Variants in NPHP1 observed in about 807,000 individuals in gnomAD.
NPHP1 encodes the protein nephrocystin-1.
In NPHP1, 70 loss-of-function variants were observed where a neutral mutation model predicts 90.4. The observed-to-expected ratio is 0.77, with a 90% confidence interval of 0.64 to 0.95. The LOEUF (loss-of-function observed/expected upper bound fraction) is 0.95. NPHP1 is among the 40% of genes least tolerant of loss of function. The pLI, the probability that NPHP1 is intolerant of heterozygous loss-of-function variation, is 0.00. For missense variants in NPHP1, 764 were observed against 795.9 expected (o/e 0.96, Z 0.48); for synonymous variants, 256 against 271.7 (o/e 0.94, Z 0.57).
At chr2:110,166,524 A>G (rs1358310239) in intron 6 of NPHP1, among the ~76,000 whole-genome samples, 2 of 152,160 alleles carry the variant, frequency 1.3e-5, no homozygotes, top group African/African-American at 4.8e-5. Context: ...TGCCTTTTGA[A>G]TTCTTTCCCC....
intron 19 of NPHP1, 143 bp from the exon 20 acceptor site, chr2:110,124,206 C>T: frequency 1.2e-6 from 1 of 860,982 alleles, no homozygotes; most frequent in Non-Finnish European, 1.9e-6. Flanking sequence ...GCCAGCTGCT[C>T]AGGCAGGACA....
chr2:110,166,290 G>A (rs1209894985), intron 6 of NPHP1, among the ~76,000 whole-genome samples: 3 of 152,174 alleles, frequency 2.0e-5, no homozygotes, highest in Admixed American at 6.5e-5. Context: ...AAAGATGCAC[G>A]CAGGCTTGAT....
At chr2:110,175,139 A>C (rs1683419137) in intron 4 of NPHP1, among the ~76,000 whole-genome samples, 1 of 152,140 alleles carries the variant, frequency 6.6e-6, no homozygotes, top group Admixed American at 6.5e-5. Flanking sequence ...AGCATTTACT[A>C]ATCGAGTATT....
intron 16 of NPHP1, among the ~76,000 whole-genome samples, chr2:110,135,476 CAAAAAA>C (rs66696927): frequency 3.3e-4 from 5 of 15,116 alleles, no homozygotes; most frequent in African/African-American, 7.3e-4. Context: ...GACCCCGTCT[CAAAAAA>C]AAAAAAAAAA....
chr2:110,182,891 A>C (rs1209988931), intron 2 of NPHP1, among the ~76,000 whole-genome samples: 1 of 152,144 alleles, frequency 6.6e-6, no homozygotes, highest in Non-Finnish European at 1.5e-5. Context: ...TGCTGTCTTC[A>C]AGAGATCCAC....
Position 110,205,011 on chromosome 2 carries a change from A to G in NPHP1, c.-43T>C. 6.2e-7 allele frequency: 1 copy of G among 1,607,124 alleles called. No homozygotes were observed. Among genetic ancestry groups the G allele is most frequent in the Non-Finnish European group, 8.5e-7 (1 of 1,175,000 alleles). On this transcript the variant is annotated 5_prime_UTR_variant, in exon 1 of 20. Coordinates refer to ENST00000445609, the MANE Select transcript of NPHP1 (RefSeq NM_001128178.3). ...TCTGATTGCTCCAGTTGCCAGGGAA[A>G]CCAACCGGCGGCGCCAGAAGGTGAC...
chr2:110,180,601 C>A (rs994781443), intron 2 of NPHP1, among the ~76,000 whole-genome samples: 1 of 151,936 alleles, frequency 6.6e-6, no homozygotes, highest in African/African-American at 2.4e-5. Flanking sequence ...CAAGTGAATT[C>A]AGCACTTTAA....
intron 13 of NPHP1, among the ~76,000 whole-genome samples, 164 bp from the exon 14 acceptor site, chr2:110,146,999 G>A (rs971675956): frequency 9.2e-5 from 14 of 152,076 alleles, no homozygotes; most frequent in African/African-American, 2.7e-4. Flanking sequence ...TTTTGCCTGC[G>A]GGTCAGATAT....
chr2:110,133,825 G>A (rs1679967751), intron 16 of NPHP1, among the ~76,000 whole-genome samples: 1 of 151,840 alleles, frequency 6.6e-6, no homozygotes, highest in Non-Finnish European at 1.5e-5. Context: ...AAAATATCTT[G>A]AGAAATGAAA....
chr2:110,173,600 T>C (rs532357251), intron 4 of NPHP1, among the ~76,000 whole-genome samples: 7 of 152,296 alleles, frequency 4.6e-5, no homozygotes, highest in African/African-American at 1.7e-4. Context: ...TGTGTTACAA[T>C]TGTGTACAGT....
At chr2:110,171,466 T>C (rs541737211) in intron 4 of NPHP1, among the ~76,000 whole-genome samples, 7 of 152,254 alleles carry the variant, frequency 4.6e-5, no homozygotes, top group African/African-American at 1.7e-4. Context: ...GAATATTAGC[T>C]GAACTTTGTT....
chr2:110,136,647 C>T (rs1374495881), intron 16 of NPHP1, among the ~76,000 whole-genome samples: 1 of 152,082 alleles, frequency 6.6e-6, no homozygotes, highest in African/African-American at 2.4e-5. Flanking sequence ...AGGAGAAATA[C>T]AAACCACTGC....
At chr2:110,159,878 G>T (rs559660308) in intron 11 of NPHP1, among the ~76,000 whole-genome samples, 89 of 151,708 alleles carry the variant, frequency 5.9e-4, no homozygotes, top group African/African-American at 2.1e-3. Context: ...TGCTAGCTTA[G>T]ATCACTGACT....
chr2:110,168,566 C>T lies in NPHP1; in HGVS notation c.523-13G>A, dbSNP rs773241836. On this transcript the variant is annotated splice_polypyrimidine_tract_variant and intron_variant, in intron 5 of 19. Transcript: ENST00000445609. ...GAATTTCCCCTTTCTTAAAGCAAAA[C>T]AAAGTAAACCATTTTAAATAAAATT... 32 of 1,477,530 alleles carry T rather than the reference C, an allele frequency of 2.2e-5. 1 individual carries two copies. The highest frequency in any genetic ancestry group is 2.6e-5 in the Non-Finnish European group (27 of 1,056,134). 91.5% of individuals were successfully genotyped at this position (1,477,530 alleles called of 1,614,324 possible).
intron 4 of NPHP1, among the ~76,000 whole-genome samples, chr2:110,173,003 G>A (rs1683261434): frequency 7.1e-6 from 1 of 141,478 alleles, no homozygotes; most frequent in Admixed American, 7.2e-5. Context: ...TCTGTCACCA[G>A]GCTGGAGTGC....
chr2:110,189,345 G>A (rs1684521662), intron 2 of NPHP1, among the ~76,000 whole-genome samples: 1 of 152,084 alleles, frequency 6.6e-6, no homozygotes. Flanking sequence ...TCCTTCTGGT[G>A]GGTTCGTGGT....
intron 6 of NPHP1, among the ~76,000 whole-genome samples, chr2:110,167,016 T>C (rs1682772748): frequency 2.0e-5 from 3 of 152,134 alleles, no homozygotes; most frequent in Non-Finnish European, 2.9e-5. Flanking sequence ...TATTTTTAAA[T>C]ATTGATATGT....
chr2:110,196,498 G>A (rs963506329), intron 2 of NPHP1, among the ~76,000 whole-genome samples: 6 of 152,094 alleles, frequency 3.9e-5, no homozygotes, highest in African/African-American at 1.2e-4. Context: ...TAAAAAGTCA[G>A]GAAACAACAA....
intron 6 of NPHP1, among the ~76,000 whole-genome samples, chr2:110,167,352 C>G (rs1682792709): frequency 6.6e-6 from 1 of 152,070 alleles, no homozygotes; most frequent in South Asian, 2.1e-4. Context: ...TCAGCCCCAC[C>G]CTCCAACCTT....
Sources: gnomAD v4.1 joint callset for allele counts (sites outside exome capture counted in the v4.1 genomes callset) on GRCh38, gnomAD v4.1.1 for gene constraint, MANE v1.5 for transcripts, NCBI Gene and HGNC (gene_info 2026-07-23, HGNC 2026-07-21) for gene names.